MACROD2: variants seen among roughly 807,000 people sequenced by gnomAD.
The protein encoded by MACROD2 is mono-ADP ribosylhydrolase 2.
In MACROD2, 36 loss-of-function variants were observed where a neutral mutation model predicts 70.4. The ratio of observed to expected loss-of-function variants is 0.51; its 90% CI spans 0.39 to 0.68. The LOEUF (loss-of-function observed/expected upper bound fraction) is 0.68, where lower values mean the gene tolerates loss of function less well. MACROD2 is among the 30% of genes least tolerant of loss of function. The probability of loss-of-function intolerance (pLI) is 0.00; values close to 1 mark genes in which losing one functional copy is unlikely to be tolerated. For synonymous variants in MACROD2, 172 were observed against 178.8 expected (o/e 0.96, Z 0.30); for missense variants, 496 against 538.4 (o/e 0.92, Z 0.78).
At chr20:15,831,772 A>T (rs1600964881) in intron 8 of MACROD2, among the ~76,000 whole-genome samples, 1 of 152,106 alleles carries the variant, frequency 6.6e-6, no homozygotes, top group East Asian at 1.9e-4. Context: ...CACTCCTCAG[A>T]CTCTGCCTCT....
intron 5 of MACROD2, among the ~76,000 whole-genome samples, chr20:14,909,515 A>G (rs942855337): frequency 9.9e-5 from 15 of 151,938 alleles, no homozygotes; most frequent in African/African-American, 3.6e-4. Context: ...AAATTTCTCC[A>G]TCTGTAAAAT....
Position 15,933,150 on chromosome 20 carries a change from T to C in MACROD2, c.776-126T>C. ...GTTTCATGCCTCTGATTCATCTCTC[T>C]GCCTGGCTTTATGGGGAGTCATGCT... On this transcript the variant is annotated intron_variant, in intron 10 of 17. Transcript: ENST00000684519. 3 of 816,494 alleles carry C rather than the reference T, an allele frequency of 3.7e-6. No individual in the cohort carries two copies. The East Asian group carries it at 8.2e-5, about 22-fold the overall frequency. The allele number at this position is 816,494 out of a possible 1,614,324, so 50.6% of individuals were successfully genotyped here.
chr20:15,418,765 G>T (rs1237811768), intron 6 of MACROD2, among the ~76,000 whole-genome samples: 1 of 152,128 alleles, frequency 6.6e-6, no homozygotes. Flanking sequence ...TTCTTAAGGG[G>T]CCTCTCACTG....
intron 6 of MACROD2, among the ~76,000 whole-genome samples, chr20:15,316,051 T>C (rs766985120): frequency 1.1e-4 from 16 of 148,296 alleles, no homozygotes; most frequent in Non-Finnish European, 2.1e-4. Flanking sequence ...TGAGAAAATA[T>C]CTTTAAAAAA....
intron 5 of MACROD2, among the ~76,000 whole-genome samples, chr20:14,955,480 G>A (rs895425597): frequency 1.3e-5 from 2 of 151,248 alleles, no homozygotes; most frequent in Non-Finnish European, 2.9e-5. Flanking sequence ...CGTATATTGC[G>A]ATATGTCTGC....
chr20:15,919,991 A>T (rs1038156555), intron 10 of MACROD2, among the ~76,000 whole-genome samples: 3 of 152,204 alleles, frequency 2.0e-5, no homozygotes, highest in African/African-American at 7.2e-5. Flanking sequence ...TCCATACAGT[A>T]ATTATAGAAC....
At chr20:14,466,757 G>T (rs946795244) in intron 3 of MACROD2, among the ~76,000 whole-genome samples, 1 of 152,046 alleles carries the variant, frequency 6.6e-6, no homozygotes, top group African/African-American at 2.4e-5. Context: ...CTAACAGTCA[G>T]GACCCTCAGC....
chr20:15,631,263 A>C (rs1165403386), intron 8 of MACROD2, among the ~76,000 whole-genome samples: 1 of 152,192 alleles, frequency 6.6e-6, no homozygotes, highest in Non-Finnish European at 1.5e-5. Flanking sequence ...ACTTCAGTAA[A>C]ACATGCCCAT....
At chr20:15,927,419 A>G (rs943967895) in intron 10 of MACROD2, among the ~76,000 whole-genome samples, 2 of 152,192 alleles carry the variant, frequency 1.3e-5, no homozygotes, top group African/African-American at 4.8e-5. Context: ...AGACTCCAGG[A>G]TTTGGCATGA....
chr20:15,075,403 C>A (rs1192422874), intron 5 of MACROD2, among the ~76,000 whole-genome samples: 1 of 152,118 alleles, frequency 6.6e-6, no homozygotes, highest in African/African-American at 2.4e-5. Flanking sequence ...GTGTATCTAT[C>A]AGCTAATAAT....
chr20:15,825,657 T>C (rs1018613846), intron 8 of MACROD2, among the ~76,000 whole-genome samples: 2 of 152,108 alleles, frequency 1.3e-5, no homozygotes, highest in Admixed American at 6.6e-5. Context: ...TTCCCAGCAA[T>C]AGATAGATAC....
Position 15,731,638 on chromosome 20 carries a change from C to T in MACROD2, c.646-131107C>T, listed in dbSNP as rs1330914265. Among the ~76,000 whole-genome samples the T allele has an allele frequency of 4.1e-4, 24 of 58,930 alleles. 7 individuals carry two copies. The highest frequency in any genetic ancestry group is 1.0e-3 in the African/African-American group (22 of 21,184). 38.7% of individuals were successfully genotyped at this position (58,930 alleles called of 152,430 possible). On this transcript the variant is annotated intron_variant, in intron 8 of 17. Transcript: ENST00000684519. ...CCAAAGCACTTCACTGGGGCAGTGG[C>T]AGTGGGATCCATGCTCACTTACACA...
intron 3 of MACROD2, among the ~76,000 whole-genome samples, chr20:14,133,370 T>C (rs2054745391): frequency 1.3e-5 from 2 of 152,224 alleles, no homozygotes. Context: ...TCATTTCCAA[T>C]ACAAATATTA....
chr20:14,859,316 T>G lies in MACROD2; in HGVS notation c.418+174357T>G, dbSNP rs145227565. ...AATTATAGAAAGTGTTCTATTTAAG[T>G]GTTAATTATTATAATAATCATGATT... On this transcript the variant is annotated intron_variant, in intron 5 of 17. Coordinates refer to ENST00000684519, the MANE Select transcript of MACROD2 (RefSeq NM_001351661.2). Among the ~76,000 whole-genome samples, 444 of 152,246 alleles carry G rather than the reference T, an allele frequency of 2.9e-3. 7 individuals carry two copies. The highest frequency in any genetic ancestry group is 9.9e-3 in the African/African-American group (411 of 41,554).
intron 15 of MACROD2, among the ~76,000 whole-genome samples, chr20:16,018,869 T>C (rs2066965144): frequency 6.6e-6 from 1 of 152,226 alleles, no homozygotes; most frequent in Admixed American, 6.5e-5. Context: ...TATGCCTTCA[T>C]GACTTAACTC....
intron 6 of MACROD2, among the ~76,000 whole-genome samples, chr20:15,430,464 A>C (rs1244152254): frequency 6.6e-6 from 1 of 152,024 alleles, no homozygotes; most frequent in Admixed American, 6.6e-5. Flanking sequence ...CAATTGAAAA[A>C]TACAGACCAG....
chr20:14,025,557 T>A (rs576257628), intron 2 of MACROD2, among the ~76,000 whole-genome samples: 4 of 152,336 alleles, frequency 2.6e-5, no homozygotes, highest in African/African-American at 9.6e-5. Flanking sequence ...TTGTTCTCAT[T>A]GGTTTCAAAG....
At position 14,644,431 on chromosome 20, in the gene MACROD2, C is replaced by T. The variant is rs1002785602; in HGVS notation, c.302-40412C>T. Among the ~76,000 whole-genome samples, 44 of 152,266 alleles carry T rather than the reference C, an allele frequency of 2.9e-4. No individual in the cohort carries two copies. In the Middle Eastern group the frequency reaches 0.01, roughly 35 times the overall value. ...CATTAAATTAAAAATTTGGATCCAT[C>T]CTCATGGGGTTTTCAGAAATGGTTT... is the stretch of plus-strand genomic sequence containing the variant. On this transcript the variant is annotated intron_variant, in intron 4 of 17. Coordinates refer to ENST00000684519, the MANE Select transcript of MACROD2 (RefSeq NM_001351661.2).
intron 6 of MACROD2, among the ~76,000 whole-genome samples, chr20:15,261,296 A>G (rs1250728872): frequency 6.6e-6 from 1 of 151,978 alleles, no homozygotes; most frequent in African/African-American, 2.4e-5. Flanking sequence ...GTGACTCCCT[A>G]GAATTAATTA....
Sources: gnomAD v4.1 joint callset for allele counts (sites outside exome capture counted in the v4.1 genomes callset) on GRCh38, gnomAD v4.1.1 for gene constraint, MANE v1.5 for transcripts, NCBI Gene and HGNC (gene_info 2026-07-23, HGNC 2026-07-21) for gene names.